Variants in ZFAND4 observed in about 807,000 individuals in gnomAD.
ZFAND4 encodes AN1-type zinc finger protein 4.
In ZFAND4, 43 loss-of-function variants were observed where a neutral mutation model predicts 64.4. The observed-to-expected ratio is 0.67, with a 90% CI of 0.52 to 0.86. The LOEUF (loss-of-function observed/expected upper bound fraction) is 0.86. Among genes scored for constraint, ZFAND4 ranks in the 40% least tolerant of loss-of-function variants. The pLI is 0.00. For missense variants in ZFAND4, 929 were observed against 859.8 expected, an observed-to-expected ratio of 1.08 and a Z score of -1.01; for synonymous variants, 296 against 305.7, an observed-to-expected ratio of 0.97 and a Z score of 0.33.
chr10:45,658,285 G>A (rs1241926850), intron 2 of ZFAND4, among the ~76,000 whole-genome samples: 1 of 152,184 alleles, frequency 6.6e-6, no homozygotes, highest in Non-Finnish European at 1.5e-5. Flanking sequence ...GAAGACCAGG[G>A]TGATGCCTTG....
intron 5 of ZFAND4, among the ~76,000 whole-genome samples, chr10:45,641,679 A>G (rs925426541): frequency 6.6e-6 from 1 of 152,226 alleles, no homozygotes; most frequent in Admixed American, 6.5e-5. Context: ...CCACAGTATG[A>G]TAACTGACAC....
intron 8 of ZFAND4, among the ~76,000 whole-genome samples, chr10:45,619,627 T>C (rs550275538): frequency 6.6e-6 from 1 of 152,276 alleles, no homozygotes; most frequent in Non-Finnish European, 1.5e-5. Context: ...TGGTATTTAG[T>C]TGGCAGCTAA....
At chr10:45,638,901 C>T (rs773515412) in intron 6 of ZFAND4, among the ~76,000 whole-genome samples, 4 of 151,972 alleles carry the variant, frequency 2.6e-5, no homozygotes, top group East Asian at 3.8e-4. Flanking sequence ...AACGTATTTA[C>T]GGTAATAGAT....
chr10:45,662,913 A>G (rs1224076251), intron 2 of ZFAND4, among the ~76,000 whole-genome samples: 1 of 152,216 alleles, frequency 6.6e-6, no homozygotes, highest in Non-Finnish European at 1.5e-5. Flanking sequence ...TTTAACAACT[A>G]TAAATGGCAA....
chr10:45,626,052 G>A lies in ZFAND4; in HGVS notation c.1771C>T (p.Leu591Phe). ...RLQSTRGAGR[L>F]QNSGTGLSTN... ...GACAGCCCAGTTCCAGAGTTCTGAA[G>A]CCTGCCTGCCCCACGTGTGCTCTGT... The change falls in exon 7 of 10, where the codon CTT becomes TTT. Residue 591 changes from leucine to phenylalanine, a missense_variant. Physicochemically the swap from Leu to Phe is conservative, Grantham distance 22. Coordinates refer to ENST00000344646, the MANE Select transcript of ZFAND4 (RefSeq NM_174890.4). The A allele has an allele frequency of 6.2e-7, 1 of 1,614,106 alleles. No homozygotes were observed. The highest frequency in any genetic ancestry group is 1.3e-5 in the African/African-American group (1 of 75,038).
rs368204373 is a variant in ZFAND4, at chr10:45,642,994, C to T, written c.570-3031G>A. Among the ~76,000 whole-genome samples the T allele has an allele frequency of 5.4e-5, 8 of 147,662 alleles. No homozygotes were observed. In the East Asian group the frequency reaches 1.0e-3, roughly 19 times the overall value. On this transcript the variant is annotated intron_variant, in intron 5 of 9. Coordinates refer to ENST00000344646, the MANE Select transcript of ZFAND4 (RefSeq NM_174890.4). ...GTGCAATGGTGCAATCTCGGCTCAC[C>T]GCAACCTCCACCTCCCGGGTTCAAG... is the stretch of plus-strand genomic sequence containing the variant.
intron 5 of ZFAND4, among the ~76,000 whole-genome samples, chr10:45,641,759 A>G (rs1387797079): frequency 6.6e-6 from 1 of 152,220 alleles, no homozygotes; most frequent in Non-Finnish European, 1.5e-5. Flanking sequence ...CACTTCCCAC[A>G]CATTATTCCT....
At chr10:45,671,121 C>T (rs550109844) in intron 1 of ZFAND4, among the ~76,000 whole-genome samples, 1 of 152,250 alleles carries the variant, frequency 6.6e-6, no homozygotes, top group East Asian at 1.9e-4. Flanking sequence ...AAATCAAAAC[C>T]ACAGTGAGAT....
chr10:45,617,390 G>A (rs2045059744), intron 9 of ZFAND4, among the ~76,000 whole-genome samples: 1 of 152,054 alleles, frequency 6.6e-6, no homozygotes, highest in African/African-American at 2.4e-5. Context: ...CACTTTGGGA[G>A]GCAAAGGTGA....
chr10:45,632,845 GC>G (rs1359417991), intron 6 of ZFAND4, among the ~76,000 whole-genome samples: 5 of 151,908 alleles, frequency 3.3e-5, no homozygotes, highest in Admixed American at 1.3e-4. Flanking sequence ...GGCTCACAAA[GC>G]AAAAACCAAC....
intron 5 of ZFAND4, among the ~76,000 whole-genome samples, chr10:45,647,269 CA>C (rs1473598624): frequency 6.6e-6 from 1 of 152,080 alleles, no homozygotes; most frequent in Non-Finnish European, 1.5e-5. Flanking sequence ...ATTATGCCAG[CA>C]ATAAGAGTGA....
chr10:45,672,773 G>GC (rs1284507892), upstream of ZFAND4: 1 of 152,316 alleles, frequency 6.6e-6, no homozygotes, highest in African/African-American at 2.4e-5. Flanking sequence ...GGCCGACAAC[G>GC]CTCCGCTGCC....
Position 45,627,019 on chromosome 10 carries a change from C to G in ZFAND4, c.804G>C (p.Leu268Phe). Residue 268 changes from leucine (L) to phenylalanine (F), a missense_variant, in exon 7 of 10, where the codon TTG (leucine) becomes TTC (phenylalanine). Coordinates refer to ENST00000344646, the MANE Select transcript of ZFAND4 (RefSeq NM_174890.4). ...GACCAATGTTGGGGAGGACCCTTAACAATCGGTGGCGAGATGGTGCAGTGG... is the reference window on the plus strand; with the variant it reads ...GACCAATGTTGGGGAGGACCCTTAAGAATCGGTGGCGAGATGGTGCAGTGG... ...SGSTAPSRHRLLRVLPNIGQS... is the reference protein window; with the variant it reads ...SGSTAPSRHRFLRVLPNIGQS... 6.2e-7 allele frequency: 1 copy of G among 1,608,636 alleles called. No homozygotes were observed. The highest frequency in any genetic ancestry group is 8.5e-7 in the Non-Finnish European group (1 of 1,176,656).
chr10:45,639,619 C>T, intron 6 of ZFAND4, 197 bp downstream of exon 6: 1 of 402,544 alleles, frequency 2.5e-6, no homozygotes, highest in Admixed American at 4.5e-5. Context: ...ATGTTAAGTG[C>T]AGTATAATCC....
At chr10:45,640,447 T>A (rs78835280) in intron 5 of ZFAND4, 1 of 1,123,908 alleles carries the variant, frequency 8.9e-7, no homozygotes, top group South Asian at 1.5e-5. Flanking sequence ...AAAAAAGAAT[T>A]CATACACAGG....
At chr10:45,645,329 T>C (rs1227451758) in intron 5 of ZFAND4, among the ~76,000 whole-genome samples, 1 of 152,196 alleles carries the variant, frequency 6.6e-6, no homozygotes, top group Non-Finnish European at 1.5e-5. Context: ...AGGTATTTCA[T>C]GGTAAATATC....
At position 45,626,608 on chromosome 10, in the gene ZFAND4, T is replaced by C; in HGVS notation, c.1215A>G (p.Ala405=). The part of the protein sequence containing the change: ...LPKVGSLASF[A]EGNADEQSSG... Reference sequence around the variant, plus strand: ...TGCTCTGTTCATCAGCATTTCCTTCTGCAAATGAAGCCAGTGAGCCCACTT... The same window carrying C: ...TGCTCTGTTCATCAGCATTTCCTTCCGCAAATGAAGCCAGTGAGCCCACTT... The change falls in exon 7 of 10, where the codon GCA becomes GCG. Residue 405 remains alanine (A), a synonymous_variant. Coordinates refer to ENST00000344646, the MANE Select transcript of ZFAND4 (RefSeq NM_174890.4). 6.2e-7 allele frequency: 1 copy of C among 1,614,228 alleles called. No individual in the cohort carries two copies. The highest frequency in any genetic ancestry group is 8.5e-7 in the Non-Finnish European group (1 of 1,180,052).
chr10:45,644,801 T>G (rs2047260609), intron 5 of ZFAND4, among the ~76,000 whole-genome samples: 1 of 152,076 alleles, frequency 6.6e-6, no homozygotes, highest in African/African-American at 2.4e-5. Flanking sequence ...GACTGAAGAG[T>G]TGGCCCCTAT....
chr10:45,626,955 C>T lies in ZFAND4; in HGVS notation c.868G>A (p.Glu290Lys), dbSNP rs114572261. 1,485 of 1,614,130 alleles carry T rather than the reference C, an allele frequency of 9.2e-4. 9 individuals are homozygous for T. The African/African-American group carries it at 0.017, about 19-fold the overall frequency. ...CTTGAAATTCCATTCCTGGAGATTTCGGGCGGATATGCATTCCCAAAAGCA... is the reference window on the plus strand; with the variant it reads ...CTTGAAATTCCATTCCTGGAGATTTTGGGCGGATATGCATTCCCAAAAGCA... Reference protein sequence around the residue: ...SPAFGNAYPPEISRNGISSLA... With the variant: ...SPAFGNAYPPKISRNGISSLA... The change falls in exon 7 of 10, where the codon GAA becomes AAA. Residue 290 changes from glutamate (E) to lysine (K), a missense_variant. Physicochemically the swap from Glu to Lys is moderately conservative, Grantham distance 56. Transcript: ENST00000344646.
Sources: gnomAD v4.1 joint callset for allele counts (sites outside exome capture counted in the v4.1 genomes callset) on GRCh38, gnomAD v4.1.1 for gene constraint, MANE v1.5 for transcripts, NCBI Gene and HGNC (gene_info 2026-07-23, HGNC 2026-07-21) for gene names.